The following MACROD2 variants were observed in gnomAD, a reference collection of about 807,000 sequenced individuals.
MACROD2 encodes the protein ADP-ribose glycohydrolase MACROD2.
MACROD2 carries 36 observed loss-of-function variants against 70.4 expected under a neutral mutation model. That is an observed-to-expected ratio of 0.51 (90% CI 0.39 to 0.68). The LOEUF is 0.68. Ranked by LOEUF, MACROD2 falls within the 30% of genes least tolerant of loss-of-function variation. The pLI is 0.00. For missense variants in MACROD2, 496 were observed against 538.4 expected (o/e 0.92, Z 0.78); for synonymous variants, 172 against 178.8 (o/e 0.96, Z 0.30).
intron 5 of MACROD2, among the ~76,000 whole-genome samples, chr20:14,719,502 AAAAG>A (rs1216725377): frequency 6.6e-6 from 1 of 151,950 alleles, no homozygotes; most frequent in Non-Finnish European, 1.5e-5. Context: ...GAAAGAAAGA[AAAAG>A]AAAATAAAGA....
intron 4 of MACROD2, among the ~76,000 whole-genome samples, chr20:14,578,729 A>G (rs2423833): frequency 0.64 from 97,665 of 152,062 alleles, 32,931 homozygotes; most frequent in East Asian, 0.93. Context: ...TTAAGTGTGA[A>G]TGTATTACTT....
chr20:14,923,263 C>A (rs2122645004), intron 5 of MACROD2, among the ~76,000 whole-genome samples: 1 of 152,274 alleles, frequency 6.6e-6, no homozygotes, highest in Middle Eastern at 3.4e-3. Context: ...CAACAATCAT[C>A]CTTGCTTATC....
chr20:15,498,797 A>G (rs1267410338), intron 7 of MACROD2, among the ~76,000 whole-genome samples: 1 of 152,236 alleles, frequency 6.6e-6, no homozygotes, highest in Non-Finnish European at 1.5e-5. Context: ...CTTTAAAACA[A>G]TAAGTAATAA....
In MACROD2 at chr20:14,375,512, G is replaced by A. The variant is rs2083363299; in HGVS notation, c.272-117967G>A. On this transcript the variant is annotated intron_variant, in intron 3 of 17. Transcript: ENST00000684519. ...ATCACATACTATAAAGGTAGACAAA[G>A]GGGAGAACGAAGAGGTTTGGCAGCT... Among the ~76,000 whole-genome samples the A allele has an allele frequency of 3.3e-5, 5 of 152,180 alleles. No homozygotes were observed. In the South Asian group the frequency reaches 1.0e-3, roughly 32 times the overall value.
chr20:14,444,969 G>A (rs1388172752), intron 3 of MACROD2, among the ~76,000 whole-genome samples: 1 of 151,892 alleles, frequency 6.6e-6, no homozygotes, highest in Non-Finnish European at 1.5e-5. Flanking sequence ...CTCTCTCCTG[G>A]ATTGCTACAA....
intron 5 of MACROD2, among the ~76,000 whole-genome samples, chr20:14,925,447 G>T (rs1412292111): frequency 6.6e-6 from 1 of 152,108 alleles, no homozygotes; most frequent in Non-Finnish European, 1.5e-5. Flanking sequence ...TTTTCTGAAG[G>T]CATGACTTAA....
intron 11 of MACROD2, 81 bp downstream of exon 11, chr20:15,933,419 G>T (rs1408748766): frequency 1.1e-5 from 15 of 1,327,168 alleles, no homozygotes; most frequent in Non-Finnish European, 1.6e-5. Flanking sequence ...GCTATTGTCT[G>T]AAAATGCTTA....
At chr20:15,841,357 G>C (rs78785109) in intron 8 of MACROD2, among the ~76,000 whole-genome samples, 2,489 of 152,264 alleles carry the variant, frequency 0.016, 57 homozygotes, top group Admixed American at 0.042. Context: ...AAATACCTGA[G>C]ACTGGGTAAT....
chr20:14,639,676 T>C (rs534205065), intron 4 of MACROD2, among the ~76,000 whole-genome samples: 2 of 152,212 alleles, frequency 1.3e-5, no homozygotes, highest in African/African-American at 2.4e-5. Flanking sequence ...CTAATTCTCT[T>C]GCAGTTCACA....
intron 3 of MACROD2, among the ~76,000 whole-genome samples, chr20:14,416,045 G>T (rs569953616): frequency 3.0e-4 from 45 of 150,602 alleles, no homozygotes; most frequent in African/African-American, 1.1e-3. Flanking sequence ...TGCAACCTCC[G>T]ACTCCCTGCT....
chr20:15,909,596 T>C (rs957923258), intron 10 of MACROD2, among the ~76,000 whole-genome samples: 9 of 136,058 alleles, frequency 6.6e-5, no homozygotes, highest in Non-Finnish European at 1.1e-4. Context: ...GGATCTCGGC[T>C]CACTGCAAGC....
intron 8 of MACROD2, among the ~76,000 whole-genome samples, chr20:15,778,347 C>T (rs1278398010): frequency 1.3e-5 from 2 of 152,020 alleles, no homozygotes; most frequent in Admixed American, 1.3e-4. Flanking sequence ...AAATAATATA[C>T]CAAAATACAT....
intron 5 of MACROD2, among the ~76,000 whole-genome samples, chr20:14,771,660 CACACACACACATATATAT>C (rs1022463001): frequency 1.4e-5 from 2 of 138,780 alleles, no homozygotes; most frequent in African/African-American, 5.6e-5. Context: ...CACACACACA[CACACACACACATATATAT>C]ATATATTTAA....
chr20:15,393,303 G>C (rs2045816937), intron 6 of MACROD2, among the ~76,000 whole-genome samples: 1 of 152,170 alleles, frequency 6.6e-6, no homozygotes, highest in South Asian at 2.1e-4. Context: ...TGGGGACAAA[G>C]AGTAAACTCT....
intron 3 of MACROD2, among the ~76,000 whole-genome samples, chr20:14,239,291 G>A (rs1475516922): frequency 6.6e-6 from 1 of 152,158 alleles, no homozygotes. Flanking sequence ...TAACATGGCT[G>A]TACTGCCCAA....
chr20:15,638,783 CCAGGTGGTTAA>C (rs1156919233), intron 8 of MACROD2, among the ~76,000 whole-genome samples: 1 of 152,044 alleles, frequency 6.6e-6, no homozygotes, highest in African/African-American at 2.4e-5. Flanking sequence ...GGCAAAGGGG[CCAGGTGGTTAA>C]CTTTTCACGG....
At chr20:15,617,731 A>G (rs574179571) in intron 8 of MACROD2, among the ~76,000 whole-genome samples, 1 of 152,324 alleles carries the variant, frequency 6.6e-6, no homozygotes, top group South Asian at 2.1e-4. Flanking sequence ...AATAGGAGAC[A>G]TGGCTTTTGG....
intron 5 of MACROD2, among the ~76,000 whole-genome samples, chr20:14,735,077 A>T (rs565501902): frequency 6.6e-6 from 1 of 152,170 alleles, no homozygotes; most frequent in Non-Finnish European, 1.5e-5. Flanking sequence ...AGAGTTGGTG[A>T]TGGATTCTTA....
intron 5 of MACROD2, among the ~76,000 whole-genome samples, chr20:15,034,894 C>T (rs144882025): frequency 3.5e-4 from 53 of 152,264 alleles, no homozygotes; most frequent in African/African-American, 1.3e-3. Context: ...CCCATTTATA[C>T]AAATAGCACT....
Sources: gnomAD v4.1 joint callset for allele counts (sites outside exome capture counted in the v4.1 genomes callset) on GRCh38, gnomAD v4.1.1 for gene constraint, MANE v1.5 for transcripts, NCBI Gene and HGNC (gene_info 2026-07-23, HGNC 2026-07-21) for gene names.